The following EMCN variants were observed in gnomAD, a reference collection of about 807,000 sequenced individuals.
EMCN encodes the protein MUC-14.
EMCN carries 37 observed loss-of-function variants against 38.4 expected under a neutral mutation model. The ratio of observed to expected loss-of-function variants is 0.96; its 90% CI spans 0.74 to 1.27. The LOEUF (loss-of-function observed/expected upper bound fraction) is 1.27, where lower values mean the gene tolerates loss of function less well. EMCN is among the 50% of genes most tolerant of loss of function. EMCN has a pLI of 0.00. For missense variants in EMCN, 318 were observed against 302.8 expected, an observed-to-expected ratio of 1.05 and a Z score of -0.37; for synonymous variants, 95 against 100.8, an observed-to-expected ratio of 0.94 and a Z score of 0.35.
chr4:100,472,587 C>T (rs56777966), intron 3 of EMCN, among the ~76,000 whole-genome samples: 1 of 152,188 alleles, frequency 6.6e-6, no homozygotes, highest in Middle Eastern at 3.4e-3. Flanking sequence ...TCCTAGCTGG[C>T]TTTGCAGAAA....
chr4:100,462,610 C>G (rs1156976070), intron 4 of EMCN, among the ~76,000 whole-genome samples: 1 of 152,014 alleles, frequency 6.6e-6, no homozygotes, highest in African/African-American at 2.4e-5. Flanking sequence ...TAGGGGCCAT[C>G]ATATTATACG....
intron 4 of EMCN, among the ~76,000 whole-genome samples, chr4:100,461,978 G>T (rs2110259854): frequency 6.6e-6 from 1 of 152,242 alleles, no homozygotes; most frequent in South Asian, 2.1e-4. Context: ...AAAGGGAGTG[G>T]TGCTCTGCTA....
At chr4:100,434,378 CCAAGCAAAAAAAAAAAA>C (rs144734378) in intron 5 of EMCN, among the ~76,000 whole-genome samples, 61,551 of 114,080 alleles carry the variant, frequency 0.54, 13,492 homozygotes, top group East Asian at 0.8. Flanking sequence ...AAATAGCCTA[CCAAGCAAAAAAAAAAAA>C]AAAAAAAAGC....
intron 5 of EMCN, among the ~76,000 whole-genome samples, chr4:100,438,018 T>C (rs898387893): frequency 2.0e-5 from 3 of 152,136 alleles, no homozygotes; most frequent in Admixed American, 6.6e-5. Flanking sequence ...ATTTTTCTGA[T>C]TCATAAATAC....
intron 4 of EMCN, among the ~76,000 whole-genome samples, chr4:100,461,073 C>G (rs1289136818): frequency 6.6e-6 from 1 of 152,170 alleles, no homozygotes; most frequent in African/African-American, 2.4e-5. Context: ...GCTCTAATGG[C>G]ATGTGCTATC....
At chr4:100,485,044 T>A (rs941920795) in intron 1 of EMCN, among the ~76,000 whole-genome samples, 1 of 152,126 alleles carries the variant, frequency 6.6e-6, no homozygotes, top group East Asian at 1.9e-4. Context: ...GTTTAAACTC[T>A]TAAAGAAAAT....
intron 1 of EMCN, among the ~76,000 whole-genome samples, chr4:100,489,860 G>T (rs1729032059): frequency 6.6e-6 from 1 of 152,080 alleles, no homozygotes; most frequent in Admixed American, 6.6e-5. Context: ...AGTACCTGCA[G>T]GTGTCCTAGA....
intron 1 of EMCN, among the ~76,000 whole-genome samples, chr4:100,509,542 G>A (rs533655788): frequency 1.3e-5 from 2 of 152,122 alleles, no homozygotes; most frequent in Non-Finnish European, 2.9e-5. Context: ...GTATCCTGGG[G>A]AGAGTGCCCA....
At chr4:100,420,448 G>A (rs1726856981) in intron 8 of EMCN, among the ~76,000 whole-genome samples, 1 of 152,022 alleles carries the variant, frequency 6.6e-6, no homozygotes, top group African/African-American at 2.4e-5. Flanking sequence ...TAGTATGGAT[G>A]AGGGCATGGA....
chr4:100,422,388 C>G (rs951246355), intron 7 of EMCN, among the ~76,000 whole-genome samples: 1 of 151,834 alleles, frequency 6.6e-6, no homozygotes, highest in African/African-American at 2.4e-5. Flanking sequence ...TTAATAGAGC[C>G]TTTTATAATA....
chr4:100,470,280 T>TA lies in EMCN; in HGVS notation c.260-4742dup, dbSNP rs564214717. Among the ~76,000 whole-genome samples the TA allele has an allele frequency of 1.5e-4, 22 of 150,232 alleles. No individual in the cohort carries two copies. In the East Asian group the frequency reaches 1.8e-3, roughly 12 times the overall value. ...GACATACATGTAGCCAACAATCATA[T>TA]AAAAAAAGTTCAACATCAGTGATTA... On this transcript the variant is annotated intron_variant, in intron 3 of 11. Coordinates refer to ENST00000296420, the MANE Select transcript of EMCN (RefSeq NM_016242.4).
chr4:100,497,246 T>TA (rs749473979), intron 1 of EMCN, among the ~76,000 whole-genome samples: 1,896 of 129,782 alleles, frequency 0.015, 22 homozygotes, highest in Middle Eastern at 0.028. Context: ...TTGTTACTAT[T>TA]AAAAAAAAAA....
intron 5 of EMCN, among the ~76,000 whole-genome samples, chr4:100,441,892 T>C (rs1353309454): frequency 6.6e-6 from 1 of 152,184 alleles, no homozygotes; most frequent in Non-Finnish European, 1.5e-5. Flanking sequence ...CATTTAACCG[T>C]CATGCTAGAG....
At chr4:100,448,740 A>G (rs1244958347) in intron 4 of EMCN, among the ~76,000 whole-genome samples, 1 of 151,306 alleles carries the variant, frequency 6.6e-6, no homozygotes, top group East Asian at 1.9e-4. Flanking sequence ...GTTGTACTCC[A>G]CCTCGTGGCT....
intron 4 of EMCN, among the ~76,000 whole-genome samples, chr4:100,459,288 TTG>T (rs947856727): frequency 4.0e-4 from 33 of 81,784 alleles, no homozygotes; most frequent in Admixed American, 1.5e-3. Context: ...TGACAATATT[TTG>T]TGTGTGTGTA....
intron 5 of EMCN, among the ~76,000 whole-genome samples, chr4:100,431,483 G>A (rs1025217652): frequency 6.6e-6 from 1 of 152,210 alleles, no homozygotes; most frequent in Middle Eastern, 3.4e-3. Context: ...GAACAAAGAG[G>A]GAACTTCTTC....
At chr4:100,476,807 A>G (rs1397980183) in intron 2 of EMCN, among the ~76,000 whole-genome samples, 1 of 152,224 alleles carries the variant, frequency 6.6e-6, no homozygotes, top group Non-Finnish European at 1.5e-5. Context: ...TGAAAAGGAG[A>G]AACCAAAAAA....
intron 1 of EMCN, among the ~76,000 whole-genome samples, chr4:100,505,291 A>G (rs1426570970): frequency 2.6e-5 from 4 of 151,928 alleles, no homozygotes; most frequent in Admixed American, 6.6e-5. Flanking sequence ...TATTTCTACA[A>G]TCTCTCATCT....
At chr4:100,418,530 C>T (rs935505990) in intron 8 of EMCN, among the ~76,000 whole-genome samples, 1 of 152,082 alleles carries the variant, frequency 6.6e-6, no homozygotes, top group African/African-American at 2.4e-5. Context: ...TTAACCATCT[C>T]CACTTCCCCT....
Sources: gnomAD v4.1 joint callset for allele counts (sites outside exome capture counted in the v4.1 genomes callset) on GRCh38, gnomAD v4.1.1 for gene constraint, MANE v1.5 for transcripts, NCBI Gene and HGNC (gene_info 2026-07-23, HGNC 2026-07-21) for gene names.